The following SEPTIN9 variants were observed in gnomAD, a reference collection of about 807,000 sequenced individuals.
The protein encoded by SEPTIN9 is septin-9.
In SEPTIN9, 13 loss-of-function variants were observed where a neutral mutation model predicts 56.6. That is an observed-to-expected ratio of 0.23 (90% confidence interval 0.15 to 0.37). SEPTIN9 has a LOEUF of 0.37. Ranked by LOEUF, SEPTIN9 falls within the 10% of genes least tolerant of loss-of-function variation. SEPTIN9 has a pLI of 1.00. For synonymous variants in SEPTIN9, 332 were observed against 334.1 expected (o/e 0.99, Z 0.07); for missense variants, 650 against 823.1 (o/e 0.79, Z 2.57).
intron 2 of SEPTIN9, among the ~76,000 whole-genome samples, chr17:77,385,915 C>A (rs530328344): frequency 6.6e-6 from 1 of 152,194 alleles, no homozygotes; most frequent in Non-Finnish European, 1.5e-5. Flanking sequence ...ACTGCTGGCC[C>A]GAGCTAGTGT....
chr17:77,354,588 C>T lies in SEPTIN9; in HGVS notation c.76+47391C>T, dbSNP rs574398407. Among the ~76,000 whole-genome samples, 6 of 152,270 alleles carry T rather than the reference C, an allele frequency of 3.9e-5. No homozygotes were observed. In the South Asian group the frequency reaches 8.3e-4, roughly 21 times the overall value. On this transcript the variant is annotated intron_variant, in intron 2 of 11. Transcript: ENST00000427177. ...TGCCGGAGCCCCTCCTGCCTGCATG[C>T]GGCCGCTGCCGGGTGGACAGGCCTG... is the stretch of plus-strand genomic sequence containing the variant.
intron 1 of SEPTIN9, among the ~76,000 whole-genome samples, chr17:77,287,088 G>T (rs976010259): frequency 6.6e-6 from 1 of 152,242 alleles, no homozygotes; most frequent in Non-Finnish European, 1.5e-5. Flanking sequence ...GTGTGAAGTG[G>T]CTCAGTCTCC....
chr17:77,330,989 G>A lies in SEPTIN9; in HGVS notation c.76+23792G>A, dbSNP rs2033324707. On this transcript the variant is annotated intron_variant, in intron 2 of 11. Transcript: ENST00000427177. The surrounding 1 kb of genome is among the most constrained non-coding windows in gnomAD (Gnocchi z 4.4). ...GCAGCAGATTCGATGCAGTGATGCA[G>A]GGCTGTCAGCCATGCCAGCAGGCCC... Among the ~76,000 whole-genome samples the A allele has an allele frequency of 6.6e-6, 1 of 152,200 alleles. No homozygotes were observed. Among genetic ancestry groups the A allele is most frequent in the Non-Finnish European group, 1.5e-5 (1 of 68,044 alleles).
At chr17:77,304,404 C>T (rs901656544) in intron 1 of SEPTIN9, among the ~76,000 whole-genome samples, 1 of 152,206 alleles carries the variant, frequency 6.6e-6, no homozygotes, top group South Asian at 2.1e-4. Flanking sequence ...ATGCTGTTTT[C>T]CCCACCGTTT....
At chr17:77,412,991 G>A (rs549199668) in intron 3 of SEPTIN9, among the ~76,000 whole-genome samples, 2 of 152,196 alleles carry the variant, frequency 1.3e-5, no homozygotes, top group South Asian at 4.1e-4. Flanking sequence ...TTGAAATCAT[G>A]AATCCATTGG....
intron 2 of SEPTIN9, among the ~76,000 whole-genome samples, chr17:77,391,181 G>T (rs1268415424): frequency 6.6e-6 from 1 of 152,192 alleles, no homozygotes; most frequent in Non-Finnish European, 1.5e-5. Flanking sequence ...TGACTCAGTG[G>T]CTAGAAGGGG....
rs542590563 is a variant in SEPTIN9, at chr17:77,409,461, C to T, written c.721+6758C>T. 2.6e-5 allele frequency among the ~76,000 whole-genome samples: 4 copies of T among 151,654 alleles called. No homozygotes were observed. The South Asian group carries it at 6.3e-4, about 24-fold the overall frequency. ...AAGGAGGGCTGGTCCGGGAATGCAG[C>T]GGGTGCCGAGCAGCTGTGGAATACC... On this transcript the variant is annotated intron_variant, in intron 3 of 11. Coordinates refer to ENST00000427177, the MANE Select transcript of SEPTIN9 (RefSeq NM_001113491.2).
chr17:77,420,194 G>C lies in SEPTIN9; in HGVS notation c.721+17491G>C, dbSNP rs766025955. Among the ~76,000 whole-genome samples, 8 of 152,216 alleles carry C rather than the reference G, an allele frequency of 5.3e-5. No homozygotes were observed. The South Asian group carries it at 8.3e-4, about 16-fold the overall frequency. Reference sequence around the variant, plus strand: ...GGGCAGGACTGGAATGCAGACCCCTGCTTGGCCATGCTGTTGCCTGGCTGC... The same window carrying C: ...GGGCAGGACTGGAATGCAGACCCCTCCTTGGCCATGCTGTTGCCTGGCTGC... On this transcript the variant is annotated intron_variant, in intron 3 of 11. Coordinates refer to ENST00000427177, the MANE Select transcript of SEPTIN9 (RefSeq NM_001113491.2).
chr17:77,479,334 G>A (rs1197482460), intron 3 of SEPTIN9, among the ~76,000 whole-genome samples: 1 of 152,210 alleles, frequency 6.6e-6, no homozygotes, highest in Non-Finnish European at 1.5e-5. Context: ...GGGTATGGGG[G>A]TCTCTGCTTT....
chr17:77,417,916 G>T (rs1458732901), intron 3 of SEPTIN9, among the ~76,000 whole-genome samples: 1 of 152,208 alleles, frequency 6.6e-6, no homozygotes, highest in African/African-American at 2.4e-5. Flanking sequence ...GTCATTAAAG[G>T]TCATGTGCCG....
At position 77,498,676 on chromosome 17, in the gene SEPTIN9, C is replaced by A; in HGVS notation, c.*18C>A. The A allele has an allele frequency of 6.6e-7, 1 of 1,525,758 alleles. No homozygotes were observed. The highest frequency in any genetic ancestry group is 1.2e-5 in the South Asian group (1 of 86,070). The allele number at this position is 1,525,758 out of a possible 1,614,324, so 94.5% of individuals were successfully genotyped here. ...AGATGTAGACGCCACCCTGCCCACC[C>A]CCGGGATCCTGCCCCCAAGTCATTT... On this transcript the variant is annotated 3_prime_UTR_variant, in exon 12 of 12. Coordinates refer to ENST00000427177, the MANE Select transcript of SEPTIN9 (RefSeq NM_001113491.2).
intron 3 of SEPTIN9, among the ~76,000 whole-genome samples, chr17:77,443,752 C>T (rs577134182): frequency 8.6e-5 from 13 of 151,708 alleles, no homozygotes; most frequent in African/African-American, 2.9e-4. Flanking sequence ...GAGCTGAGAT[C>T]GCGCCACTAC....
At chr17:77,342,082 A>C (rs2033751175) in intron 2 of SEPTIN9, among the ~76,000 whole-genome samples, 1 of 152,036 alleles carries the variant, frequency 6.6e-6, no homozygotes, top group African/African-American at 2.4e-5. Context: ...CTCAAAAAAA[A>C]AAAAACAAAG....
intron 2 of SEPTIN9, among the ~76,000 whole-genome samples, chr17:77,341,098 G>A (rs551491442): frequency 6.6e-5 from 10 of 152,216 alleles, no homozygotes; most frequent in East Asian, 1.9e-4. Context: ...CACTGGAATC[G>A]CACTTTTAAT....
At chr17:77,331,579 C>T (rs1231602568) in intron 2 of SEPTIN9, among the ~76,000 whole-genome samples, 1 of 152,172 alleles carries the variant, frequency 6.6e-6, no homozygotes, top group Non-Finnish European at 1.5e-5. Context: ...GAAAGCCTTT[C>T]CTCCAGCAGG....
At chr17:77,283,713 T>C (rs551492669) in intron 1 of SEPTIN9, among the ~76,000 whole-genome samples, 1 of 152,302 alleles carries the variant, frequency 6.6e-6, no homozygotes, top group African/African-American at 2.4e-5. Context: ...TAGACCTGGT[T>C]TGAACATTCG....
rs2143891505 is a variant in SEPTIN9, at chr17:77,369,261, C to T, written c.77-32798C>T. ...AAGAAAAGAAAAGAAAGAAATTGGC[C>T]AAGGCAGGAATATTGACACCACAGG... is the stretch of plus-strand genomic sequence containing the variant. On this transcript the variant is annotated intron_variant, in intron 2 of 11. Transcript: ENST00000427177. This position sits in a 1 kb window ranked among gnomAD's most constrained non-coding sequence, Gnocchi z 4.9. 6.6e-6 allele frequency among the ~76,000 whole-genome samples: 1 copy of T among 152,184 alleles called. No individual in the cohort carries two copies. The highest frequency in any genetic ancestry group is 2.4e-5 in the African/African-American group (1 of 41,526).
At chr17:77,282,382 A>G (rs2031067429) in intron 1 of SEPTIN9, among the ~76,000 whole-genome samples, 1 of 152,150 alleles carries the variant, frequency 6.6e-6, no homozygotes, top group East Asian at 1.9e-4. Context: ...AATTATAAAT[A>G]GCGTCTCCTC....
chr17:77,334,705 G>C (rs910261253), intron 2 of SEPTIN9, among the ~76,000 whole-genome samples: 13 of 152,014 alleles, frequency 8.6e-5, no homozygotes, highest in African/African-American at 3.1e-4. Context: ...TTTTATAGTT[G>C]TATATTCTAT....
Sources: allele counts gnomAD v4.1 joint callset (sites outside exome capture counted in the v4.1 genomes callset), GRCh38; gene constraint gnomAD v4.1.1; non-coding constraint Gnocchi (gnomAD v3.1); transcripts MANE v1.5; gene names NCBI Gene and HGNC (gene_info 2026-07-23, HGNC 2026-07-21).